ATP2C2: variants seen among roughly 807,000 people sequenced by gnomAD.
ATP2C2 encodes ATPase secretory pathway Ca2+ transporting 2.
ATP2C2 carries 171 observed loss-of-function variants against 110.8 expected under a neutral mutation model. The ratio of observed to expected loss-of-function variants is 1.54; its 90% CI spans 1.36 to 1.75. ATP2C2 has a LOEUF of 1.75. ATP2C2 is among the 40% of genes most tolerant of loss of function. The pLI, the probability that ATP2C2 is intolerant of heterozygous loss-of-function variation, is 0.00. For synonymous variants in ATP2C2, 804 were observed against 508.4 expected, an observed-to-expected ratio of 1.58 and a Z score of -7.82; for missense variants, 1,963 against 1,235.0, an observed-to-expected ratio of 1.59 and a Z score of -8.84.
At chr16:84,431,925 G>T (rs1160071874) in intron 11 of ATP2C2, among the ~76,000 whole-genome samples, 2 of 152,106 alleles carry the variant, frequency 1.3e-5, no homozygotes, top group African/African-American at 4.8e-5. Flanking sequence ...ACTGGAGCAG[G>T]ACGCCGAGCT....
At chr16:84,400,824 G>C (rs1191460588) in intron 2 of ATP2C2, among the ~76,000 whole-genome samples, 1 of 152,150 alleles carries the variant, frequency 6.6e-6, no homozygotes, top group East Asian at 1.9e-4. Flanking sequence ...ATCACAGATG[G>C]TGAGCACCTT....
chr16:84,458,972 C>T (rs1910966442), intron 21 of ATP2C2, 148 bp from the exon 22 acceptor site: 1 of 809,386 alleles, frequency 1.2e-6, no homozygotes, highest in African/African-American at 1.7e-5. Flanking sequence ...ACAAATGTGT[C>T]CCCAAGAATG....
chr16:84,368,842 G>C (rs991171927), intron 1 of ATP2C2, 128 bp downstream of exon 1: 2 of 816,166 alleles, frequency 2.5e-6, no homozygotes, highest in South Asian at 1.7e-5. Context: ...CCTGGCTCTG[G>C]AAAGAAGCTG....
chr16:84,398,341 G>C (rs1398016430), intron 1 of ATP2C2, among the ~76,000 whole-genome samples, 158 bp from the exon 2 acceptor site: 1 of 152,146 alleles, frequency 6.6e-6, no homozygotes, highest in Non-Finnish European at 1.5e-5. Context: ...GGTAAGTGGA[G>C]GTTGTGGTGA....
chr16:84,368,757 C>T, intron 1 of ATP2C2, 43 bp downstream of exon 1: 4 of 1,433,358 alleles, frequency 2.8e-6, no homozygotes, highest in Non-Finnish European at 3.7e-6. Context: ...ACCCGACCCC[C>T]CATCCCCTCC....
At chr16:84,397,856 G>C (rs529894432) in intron 1 of ATP2C2, among the ~76,000 whole-genome samples, 1 of 151,836 alleles carries the variant, frequency 6.6e-6, no homozygotes, top group South Asian at 2.1e-4. Context: ...ACAATGTTGA[G>C]TGAAAGAAAT....
At chr16:84,438,578 G>T (rs759690769) in intron 11 of ATP2C2, among the ~76,000 whole-genome samples, 5 of 152,164 alleles carry the variant, frequency 3.3e-5, no homozygotes, top group African/African-American at 4.8e-5. Context: ...GAGAGAGTGG[G>T]GTCGCACCGT....
intron 1 of ATP2C2, among the ~76,000 whole-genome samples, chr16:84,395,315 C>T (rs1252644697): frequency 6.6e-6 from 1 of 152,068 alleles, no homozygotes; most frequent in East Asian, 1.9e-4. Context: ...CACCCTGTCA[C>T]CCCATGACTT....
At chr16:84,461,379 C>T in intron 24 of ATP2C2, 1 of 445,492 alleles carries the variant, frequency 2.2e-6, no homozygotes, top group Non-Finnish European at 4.1e-6. Flanking sequence ...GGCCATCCTT[C>T]AGCCTTCCTT....
chr16:84,430,753 C>G (rs751327472), intron 11 of ATP2C2, among the ~76,000 whole-genome samples: 1 of 152,034 alleles, frequency 6.6e-6, no homozygotes. Flanking sequence ...TCCCAGTTCA[C>G]CCTTACACAG....
intron 6 of ATP2C2, among the ~76,000 whole-genome samples, chr16:84,411,848 C>T (rs1258646837): frequency 6.6e-6 from 1 of 152,174 alleles, no homozygotes; most frequent in Non-Finnish European, 1.5e-5. Context: ...TCTGCGGGGG[C>T]CCTTCTAGGA....
At chr16:84,425,163 C>T (rs1331602727) in intron 10 of ATP2C2, among the ~76,000 whole-genome samples, 1 of 152,206 alleles carries the variant, frequency 6.6e-6, no homozygotes, top group African/African-American at 2.4e-5. Context: ...AGCTAACGTT[C>T]TTTAGCAAGC....
At chr16:84,394,500 CTG>C (rs1395804653) in intron 1 of ATP2C2, among the ~76,000 whole-genome samples, 11 of 152,088 alleles carry the variant, frequency 7.2e-5, no homozygotes, top group Non-Finnish European at 1.3e-4. Flanking sequence ...CCAGGTTCAT[CTG>C]TGTTGTAGCA....
chr16:84,458,765 T>C (rs900557748), intron 21 of ATP2C2, among the ~76,000 whole-genome samples: 8 of 152,200 alleles, frequency 5.3e-5, no homozygotes, highest in African/African-American at 1.7e-4. Context: ...CGTCTCTCTC[T>C]CCTCTTTGGT....
intron 11 of ATP2C2, among the ~76,000 whole-genome samples, chr16:84,435,318 C>T (rs1472718990): frequency 6.6e-6 from 1 of 152,182 alleles, no homozygotes; most frequent in African/African-American, 2.4e-5. Context: ...TAATGGTGCC[C>T]TTCACAATCA....
At chr16:84,438,425 C>T (rs1471754527) in intron 11 of ATP2C2, among the ~76,000 whole-genome samples, 1 of 152,152 alleles carries the variant, frequency 6.6e-6, no homozygotes, top group African/African-American at 2.4e-5. Flanking sequence ...ATAGAAAGAG[C>T]CCCCTCTACA....
intron 1 of ATP2C2, among the ~76,000 whole-genome samples, chr16:84,381,555 C>G (rs780118400): frequency 6.6e-6 from 1 of 151,796 alleles, no homozygotes; most frequent in Non-Finnish European, 1.5e-5. Context: ...CCAGCCTGGA[C>G]GACAGAGCAA....
At chr16:84,410,463 G>A (rs1055247409) in intron 4 of ATP2C2, 105 bp from the exon 5 acceptor site, 2 of 1,331,622 alleles carry the variant, frequency 1.5e-6, no homozygotes, top group Non-Finnish European at 2.2e-6. Context: ...TGTTTTGCAA[G>A]AAGAAAGGAA....
chr16:84,402,196 G>A (rs1035571929), intron 2 of ATP2C2, among the ~76,000 whole-genome samples: 1 of 152,102 alleles, frequency 6.6e-6, no homozygotes. Context: ...TACTGATTTT[G>A]TTTATGAGTT....
Sources: gnomAD v4.1 joint callset for allele counts (sites outside exome capture counted in the v4.1 genomes callset) on GRCh38, gnomAD v4.1.1 for gene constraint, MANE v1.5 for transcripts, NCBI Gene and HGNC (gene_info 2026-07-23, HGNC 2026-07-21) for gene names.